Variants in ZDHHC14 observed in about 807,000 individuals in gnomAD.
The protein encoded by ZDHHC14 is zDHHC palmitoyltransferase 14.
Under a neutral mutation model 47.7 loss-of-function variants are expected in ZDHHC14, and 16 were observed. The observed-to-expected ratio is 0.34, with a 90% CI of 0.23 to 0.51. The LOEUF (loss-of-function observed/expected upper bound fraction) is 0.51. Among genes scored for constraint, ZDHHC14 ranks in the 20% least tolerant of loss-of-function variants. The probability of loss-of-function intolerance (pLI) is 0.97; values close to 1 mark genes in which losing one functional copy is unlikely to be tolerated. For synonymous variants in ZDHHC14, 293 were observed against 278.9 expected (o/e 1.05, Z -0.50); for missense variants, 515 against 662.5 (o/e 0.78, Z 2.44).
intron 1 of ZDHHC14, among the ~76,000 whole-genome samples, chr6:157,461,135 C>T (rs1339512519): frequency 1.3e-5 from 2 of 152,130 alleles, no homozygotes; most frequent in African/African-American, 4.8e-5. Flanking sequence ...GAAAAACACA[C>T]GTCCTCCAGG....
rs1389125635 is a variant in ZDHHC14, at chr6:157,677,345, T to C, written c.*4223T>C. On this transcript the variant is annotated 3_prime_UTR_variant, in exon 9 of 9. Coordinates refer to ENST00000359775, the MANE Select transcript of ZDHHC14 (RefSeq NM_024630.3). ...GAAATATTAAACGATCTGAAGCGTC[T>C]TTTTTTTTTTCAAATAAATGTCAAA... 8.6e-6 allele frequency: 1 copy of C among 115,992 alleles called. No homozygotes were observed. The highest frequency in any genetic ancestry group is 1.9e-5 in the Non-Finnish European group (1 of 51,666). The allele number at this position is 115,992 out of a possible 1,614,324, so 7.2% of individuals were successfully genotyped here. A position where few individuals can be genotyped will look rare whatever the true frequency, so the allele number is the denominator to read the frequency against.
At chr6:157,398,001 C>T (rs932875108) in intron 1 of ZDHHC14, among the ~76,000 whole-genome samples, 3 of 151,990 alleles carry the variant, frequency 2.0e-5, no homozygotes, top group Admixed American at 6.5e-5. Context: ...GGGTTAGCTT[C>T]CCAGCTCCTC....
intron 1 of ZDHHC14, among the ~76,000 whole-genome samples, chr6:157,527,995 T>C (rs1000417521): frequency 2.6e-5 from 4 of 152,230 alleles, no homozygotes; most frequent in Non-Finnish European, 5.9e-5. Context: ...GTGGCACTTA[T>C]TTAATTGATT....
At chr6:157,662,573 G>A (rs1778392505) in intron 8 of ZDHHC14, among the ~76,000 whole-genome samples, 1 of 152,268 alleles carries the variant, frequency 6.6e-6, no homozygotes, top group Non-Finnish European at 1.5e-5. Context: ...ATATTAATTT[G>A]TTCCAACTTC....
At chr6:157,652,641 C>G (rs1323746092) in intron 7 of ZDHHC14, among the ~76,000 whole-genome samples, 1 of 152,240 alleles carries the variant, frequency 6.6e-6, no homozygotes, top group Non-Finnish European at 1.5e-5. Context: ...AGAAACTTGT[C>G]TGTGGGACAA....
intron 1 of ZDHHC14, among the ~76,000 whole-genome samples, chr6:157,387,158 T>TA (rs1346393725): frequency 6.6e-6 from 1 of 152,126 alleles, no homozygotes; most frequent in African/African-American, 2.4e-5. Context: ...GAAGGGTTTT[T>TA]AAAAAATCTT....
intron 1 of ZDHHC14, among the ~76,000 whole-genome samples, chr6:157,458,470 A>G (rs1010302826): frequency 6.6e-6 from 1 of 152,232 alleles, no homozygotes; most frequent in Non-Finnish European, 1.5e-5. Flanking sequence ...AAAAATTAAT[A>G]ATAAATAATT....
chr6:157,556,147 C>T (rs935011068), intron 2 of ZDHHC14, among the ~76,000 whole-genome samples: 5 of 151,726 alleles, frequency 3.3e-5, no homozygotes, highest in African/African-American at 9.7e-5. Context: ...CCAAGCGTGG[C>T]GTACTCGGAG....
At chr6:157,456,734 A>G (rs980682289) in intron 1 of ZDHHC14, among the ~76,000 whole-genome samples, 38 of 152,294 alleles carry the variant, frequency 2.5e-4, no homozygotes, top group African/African-American at 8.7e-4. Flanking sequence ...AGGAGATTGA[A>G]GAAGAATTTT....
chr6:157,468,880 G>T (rs889105390), intron 1 of ZDHHC14, among the ~76,000 whole-genome samples: 1 of 152,136 alleles, frequency 6.6e-6, no homozygotes, highest in Non-Finnish European at 1.5e-5. Flanking sequence ...CAGACGTGGC[G>T]CAGGATTTAA....
chr6:157,557,721 C>A (rs755621205), intron 2 of ZDHHC14, among the ~76,000 whole-genome samples: 2 of 152,188 alleles, frequency 1.3e-5, no homozygotes, highest in Non-Finnish European at 2.9e-5. Flanking sequence ...TTTCTGTAAC[C>A]ACTGAGAGGA....
chr6:157,610,393 C>T (rs1250115949), intron 3 of ZDHHC14, among the ~76,000 whole-genome samples: 1 of 152,184 alleles, frequency 6.6e-6, no homozygotes, highest in African/African-American at 2.4e-5. Flanking sequence ...GATCAGGCCA[C>T]TGCACTCCAG....
intron 1 of ZDHHC14, among the ~76,000 whole-genome samples, chr6:157,441,941 C>T (rs1255736868): frequency 1.3e-5 from 2 of 152,196 alleles, no homozygotes; most frequent in African/African-American, 4.8e-5. Context: ...AATATTTTAG[C>T]ATTAGCATTA....
At chr6:157,616,874 G>C (rs1242574780) in intron 3 of ZDHHC14, among the ~76,000 whole-genome samples, 3 of 152,184 alleles carry the variant, frequency 2.0e-5, no homozygotes, top group African/African-American at 7.2e-5. Context: ...ACTGTCCCAA[G>C]AGAACCAGAC....
intron 1 of ZDHHC14, among the ~76,000 whole-genome samples, chr6:157,421,030 A>G (rs1778090403): frequency 6.6e-6 from 1 of 152,120 alleles, no homozygotes; most frequent in Non-Finnish European, 1.5e-5. Flanking sequence ...AACTAACGTA[A>G]TACCTTTTTT....
At chr6:157,545,590 A>G (rs1051757729) in intron 2 of ZDHHC14, among the ~76,000 whole-genome samples, 2 of 152,030 alleles carry the variant, frequency 1.3e-5, no homozygotes, top group Non-Finnish European at 2.9e-5. Context: ...AGGCAGGAGA[A>G]TGGCATGAAC....
At chr6:157,534,308 A>G (rs1449766556) in intron 1 of ZDHHC14, among the ~76,000 whole-genome samples, 2 of 152,194 alleles carry the variant, frequency 1.3e-5, no homozygotes, top group African/African-American at 4.8e-5. Context: ...GGATGCACAG[A>G]AAGCAAAATG....
intron 2 of ZDHHC14, among the ~76,000 whole-genome samples, chr6:157,547,418 G>C (rs1006046088): frequency 3.3e-5 from 5 of 151,950 alleles, no homozygotes; most frequent in African/African-American, 1.2e-4. Context: ...GCCTGGATTT[G>C]TCAGGGACAC....
intron 1 of ZDHHC14, among the ~76,000 whole-genome samples, chr6:157,479,650 C>G (rs1340339908): frequency 6.6e-6 from 1 of 152,226 alleles, no homozygotes; most frequent in Non-Finnish European, 1.5e-5. Flanking sequence ...AAGGTGTAAA[C>G]AGAAGTGGCA....
Sources: allele counts gnomAD v4.1 joint callset (sites outside exome capture counted in the v4.1 genomes callset), GRCh38; gene constraint gnomAD v4.1.1; transcripts MANE v1.5; gene names NCBI Gene and HGNC (gene_info 2026-07-23, HGNC 2026-07-21).